The following EPS8 variants were observed in gnomAD, a reference collection of about 807,000 sequenced individuals.
EPS8 encodes the protein EGFR pathway substrate 8, signaling adaptor.
EPS8 carries 42 observed loss-of-function variants against 103.8 expected under a neutral mutation model. That is an observed-to-expected ratio of 0.40 (90% confidence interval 0.32 to 0.52). EPS8 has a LOEUF of 0.52. Ranked by LOEUF, EPS8 falls within the 20% of genes least tolerant of loss-of-function variation. The pLI is 0.40. For missense variants in EPS8, 969 were observed against 1,005.1 expected, an observed-to-expected ratio of 0.96 and a Z score of 0.49; for synonymous variants, 344 against 344.6, an observed-to-expected ratio of 1.00 and a Z score of 0.02.
chr12:15,662,650 T>G, intron 8 of EPS8: 1 of 985,412 alleles, frequency 1.0e-6, no homozygotes, highest in Non-Finnish European at 1.2e-6. Flanking sequence ...AGACAGAAAT[T>G]TTCACATTAA....
At position 15,725,773 on chromosome 12, in the gene EPS8, G is replaced by A. The variant is rs2970185; in HGVS notation, c.-21-42801C>T. On this transcript the variant is annotated intron_variant, in intron 1 of 20. Coordinates refer to ENST00000281172, the MANE Select transcript of EPS8 (RefSeq NM_004447.6). The surrounding 1 kb of genome is among the most constrained non-coding windows in gnomAD (Gnocchi z 4.5). ...TGAATTTTAAAAATTTACAAGCTCT[G>A]TCAACATACAAGTTTTATTATATAT... is the stretch of plus-strand genomic sequence containing the variant. Among the ~76,000 whole-genome samples, 1,873 of 152,216 alleles carry A rather than the reference G, an allele frequency of 0.012. 31 individuals are homozygous for A. Among genetic ancestry groups the A allele is most frequent in the African/African-American group, 0.037 (1,546 of 41,520 alleles).
Position 15,730,091 on chromosome 12 carries a change from C to T in EPS8, c.-21-47119G>A, listed in dbSNP as rs147881590. Among the ~76,000 whole-genome samples the T allele has an allele frequency of 2.7e-3, 414 of 152,260 alleles. 4 individuals carry two copies. The highest frequency in any genetic ancestry group is 8.4e-3 in the African/African-American group (349 of 41,548). On this transcript the variant is annotated intron_variant, in intron 1 of 20. Coordinates refer to ENST00000281172, the MANE Select transcript of EPS8 (RefSeq NM_004447.6). The stretch of plus-strand genomic sequence containing the variant: ...GTCCATCGTCACCTGGAACCCTCTC[C>T]ATTATATCAACTCCCATCTCTATAA...
chr12:15,626,585 C>T (rs956078362), intron 18 of EPS8, among the ~76,000 whole-genome samples: 3 of 146,774 alleles, frequency 2.0e-5, no homozygotes, highest in East Asian at 2.0e-4. Context: ...GCCAAGATAG[C>T]GCCACTGTAT....
chr12:15,672,710 T>C (rs2135857735), intron 3 of EPS8, among the ~76,000 whole-genome samples: 1 of 152,370 alleles, frequency 6.6e-6, no homozygotes, highest in African/African-American at 2.4e-5. Flanking sequence ...ACAGCCGTTA[T>C]GACTCTTGTA....
In EPS8 at chr12:15,717,728, G is replaced by T. The variant is rs1946548762; in HGVS notation, c.-21-34756C>A. ...AGACCATACTTAAATTAAGTGTATA[G>T]ATGGCATTAGTAGTCTAAGTTAGGA... On this transcript the variant is annotated intron_variant, in intron 1 of 20. Coordinates refer to ENST00000281172, the MANE Select transcript of EPS8 (RefSeq NM_004447.6). The surrounding 1 kb of genome is among the most constrained non-coding windows in gnomAD (Gnocchi z 4.3). 6.6e-6 allele frequency among the ~76,000 whole-genome samples: 1 copy of T among 152,180 alleles called. No homozygotes were observed.
Position 15,725,575 on chromosome 12 carries a change from A to G in EPS8, c.-21-42603T>C, listed in dbSNP as rs979217842. Among the ~76,000 whole-genome samples the G allele has an allele frequency of 7.2e-5, 11 of 152,066 alleles. No homozygotes were observed. The East Asian group carries it at 2.1e-3, about 29-fold the overall frequency. ...CTAATTCTCATACCTTTGTTACCTTATGAAAAATTCTAAAATACGGTGACA... is the reference window on the plus strand; with the variant it reads ...CTAATTCTCATACCTTTGTTACCTTGTGAAAAATTCTAAAATACGGTGACA... On this transcript the variant is annotated intron_variant, in intron 1 of 20. Transcript: ENST00000281172. This position sits in a 1 kb window ranked among gnomAD's most constrained non-coding sequence, Gnocchi z 4.5.
chr12:15,722,782 GTTCC>G (rs997456178), intron 1 of EPS8, among the ~76,000 whole-genome samples: 3 of 152,258 alleles, frequency 2.0e-5, no homozygotes, highest in Non-Finnish European at 4.4e-5. Context: ...GGGGCAAACG[GTTCC>G]TTCTCACCTC....
At chr12:15,666,689 T>C (rs1420454477) in intron 6 of EPS8, among the ~76,000 whole-genome samples, 167 bp from the exon 7 acceptor site, 3 of 152,234 alleles carry the variant, frequency 2.0e-5, no homozygotes, top group African/African-American at 7.2e-5. Flanking sequence ...GTTTTTATAA[T>C]GGTGAACTAT....
intron 15 of EPS8, among the ~76,000 whole-genome samples, chr12:15,646,138 T>C (rs1289583107): frequency 1.3e-5 from 2 of 151,926 alleles, no homozygotes; most frequent in East Asian, 3.8e-4. Context: ...TTAAAAAATA[T>C]ATTATTCATT....
rs796409364 is a variant in EPS8 at position 15,779,654 on chromosome 12, T to A, written c.-22+9507A>T. Among the ~76,000 whole-genome samples, 6 of 152,312 alleles carry A rather than the reference T, an allele frequency of 3.9e-5. No homozygotes were observed. The highest frequency in any genetic ancestry group is 1.4e-4 in the African/African-American group (6 of 41,574). On this transcript the variant is annotated intron_variant, in intron 1 of 20. Transcript: ENST00000281172. The surrounding 1 kb of genome is among the most constrained non-coding windows in gnomAD (Gnocchi z 4.3). ...CAGAAGATAATTCAACAGCCCTCAATAAGGGACTTGAAAAATGTTTCTCCC... is the reference window on the plus strand; with the variant it reads ...CAGAAGATAATTCAACAGCCCTCAAAAAGGGACTTGAAAAATGTTTCTCCC...
chr12:15,774,915 CCTG>C (rs1293169425), intron 1 of EPS8, among the ~76,000 whole-genome samples: 4 of 151,648 alleles, frequency 2.6e-5, no homozygotes, highest in Non-Finnish European at 4.4e-5. Context: ...AATTCTTGAC[CCTG>C]CTACCAAACA....
At chr12:15,650,733 T>A (rs1231642687) in intron 14 of EPS8, 90 bp downstream of exon 14, 3 of 1,084,862 alleles carry the variant, frequency 2.8e-6, no homozygotes, top group Non-Finnish European at 4.0e-6. Context: ...AATTTTCAGT[T>A]GAATAAAATG....
At chr12:15,631,352 T>G in intron 18 of EPS8, 90 bp downstream of exon 18, 1 of 1,563,982 alleles carries the variant, frequency 6.4e-7, no homozygotes, top group Non-Finnish European at 8.7e-7. Context: ...TAAAGGACTT[T>G]AATACAAGTA....
chr12:15,760,300 A>G lies in EPS8; in HGVS notation c.-22+28861T>C, dbSNP rs1469080312. Among the ~76,000 whole-genome samples, 1 of 152,046 alleles carries G rather than the reference A, an allele frequency of 6.6e-6. No individual in the cohort carries two copies. Among genetic ancestry groups the G allele is most frequent in the African/African-American group, 2.4e-5 (1 of 41,442 alleles). The stretch of plus-strand genomic sequence containing the variant: ...GACCAAAAATAAGTAATAAAATTGA[A>G]GGTGTAATAAAAAATCTCCCAGTAA... On this transcript the variant is annotated intron_variant, in intron 1 of 20. Coordinates refer to ENST00000281172, the MANE Select transcript of EPS8 (RefSeq NM_004447.6). The surrounding 1 kb of genome is among the most constrained non-coding windows in gnomAD (Gnocchi z 4.5).
chr12:15,745,558 C>CAA lies in EPS8; in HGVS notation c.-22+43601_-22+43602dup, dbSNP rs5796646. ...CTCCAAAAATCTATGACTATGTATC[C>CAA]AAAAAAAAAAAAAAATTCTTTAAAC... On this transcript the variant is annotated intron_variant, in intron 1 of 20. Transcript: ENST00000281172. This position sits in a 1 kb window ranked among gnomAD's most constrained non-coding sequence, Gnocchi z 4.6. 0.013 allele frequency among the ~76,000 whole-genome samples: 1,937 copies of CAA among 145,106 alleles called. 14 individuals carry two copies. The highest frequency in any genetic ancestry group is 0.015 in the African/African-American group (584 of 39,606).
In EPS8 at chr12:15,716,829, A is replaced by G. The variant is rs1946538141; in HGVS notation, c.-21-33857T>C. ...AATGTCACAATCCATTCATCTTGGA[A>G]GTATAAGCAAAATTTCACTTTCAGT... is the stretch of plus-strand genomic sequence containing the variant. On this transcript the variant is annotated intron_variant, in intron 1 of 20. Transcript: ENST00000281172. This position sits in a 1 kb window ranked among gnomAD's most constrained non-coding sequence, Gnocchi z 5.0. Among the ~76,000 whole-genome samples the G allele has an allele frequency of 4.6e-5, 7 of 152,196 alleles. No individual in the cohort carries two copies.
intron 1 of EPS8, among the ~76,000 whole-genome samples, chr12:15,691,018 C>T (rs941743412): frequency 6.6e-6 from 1 of 151,914 alleles, no homozygotes; most frequent in African/African-American, 2.4e-5. Flanking sequence ...GGTAATCCTA[C>T]TAAGAAAACA....
chr12:15,695,085 G>A lies in EPS8; in HGVS notation c.-21-12113C>T, dbSNP rs1230221989. 1.3e-5 allele frequency among the ~76,000 whole-genome samples: 2 copies of A among 152,114 alleles called. No individual in the cohort carries two copies. Among genetic ancestry groups the A allele is most frequent in the Non-Finnish European group, 2.9e-5 (2 of 68,014 alleles). On this transcript the variant is annotated intron_variant, in intron 1 of 20. Transcript: ENST00000281172. This position sits in a 1 kb window ranked among gnomAD's most constrained non-coding sequence, Gnocchi z 5.0. The stretch of plus-strand genomic sequence containing the variant: ...AAGAACTTCTTATTCTCATTTTAAT[G>A]AGAATCTGAGACTTTAAATTAGAGT...
chr12:15,663,663 G>A (rs1159336448), intron 8 of EPS8, among the ~76,000 whole-genome samples: 1 of 151,834 alleles, frequency 6.6e-6, no homozygotes, highest in African/African-American at 2.4e-5. Flanking sequence ...GGTGGCTCAC[G>A]CCTGTAATTC....
Sources: gnomAD v4.1 joint callset for allele counts (sites outside exome capture counted in the v4.1 genomes callset) on GRCh38, gnomAD v4.1.1 for gene constraint, Gnocchi (gnomAD v3.1) non-coding constraint, MANE v1.5 for transcripts, NCBI Gene and HGNC (gene_info 2026-07-23, HGNC 2026-07-21) for gene names.